Variants in ZNF829 observed in about 807,000 individuals in gnomAD.
ZNF829 encodes zinc finger protein 829.
A neutral mutation model predicts 35.2 loss-of-function variants in ZNF829; 25 were observed. The observed-to-expected ratio is 0.71, with a 90% CI of 0.52 to 0.99. The LOEUF is 0.99. Ranked by LOEUF, ZNF829 falls within the 50% of genes least tolerant of loss-of-function variation. The probability of loss-of-function intolerance (pLI) is 0.00; values close to 1 mark genes in which losing one functional copy is unlikely to be tolerated. For synonymous variants in ZNF829, 136 were observed against 163.2 expected (o/e 0.83, Z 1.27); for missense variants, 417 against 515.3 (o/e 0.81, Z 1.85).
chr19:36,915,036 A>C lies in ZNF829; in HGVS notation c.39-14T>G. 6.2e-7 allele frequency: 1 copy of C among 1,614,154 alleles called. No homozygotes were observed. Among genetic ancestry groups the C allele is most frequent in the Non-Finnish European group, 8.5e-7 (1 of 1,180,026 alleles). On this transcript the variant is annotated splice_polypyrimidine_tract_variant and intron_variant, in intron 2 of 5. Coordinates refer to ENST00000391711, the MANE Select transcript of ZNF829 (RefSeq NM_001037232.4). ...TCTGGGTGACACCTGGAGAAAGGTA[A>C]AATTGGGAGAGGGAAGAGTAACTGT...
At chr19:36,908,515 G>T (rs1258358657) in intron 3 of ZNF829, 56 bp from the exon 4 acceptor site, 2 of 1,550,116 alleles carry the variant, frequency 1.3e-6, no homozygotes, top group Admixed American at 4.0e-5. Context: ...GATGGCGGTA[G>T]AGGTGGCAAG....
At chr19:36,902,888 T>G (rs1308216172) in intron 5 of ZNF829, among the ~76,000 whole-genome samples, 1 of 151,720 alleles carries the variant, frequency 6.6e-6, no homozygotes, top group African/African-American at 2.4e-5. Context: ...ATACAAAAAT[T>G]AGCTGGACAT....
At position 36,908,477 on chromosome 19, in the gene ZNF829, C is replaced by T; in HGVS notation, c.97-18G>A. 6.3e-7 allele frequency: 1 copy of T among 1,578,336 alleles called. No individual in the cohort carries two copies. The highest frequency in any genetic ancestry group is 8.6e-7 in the Non-Finnish European group (1 of 1,165,398). ...ACCGGCCCCTGAAACAACAAACATG[C>T]TTTCACAATGAAAGGAGAAAAGAAA... is the stretch of plus-strand genomic sequence containing the variant. On this transcript the variant is annotated intron_variant, in intron 3 of 5. Coordinates refer to ENST00000391711, the MANE Select transcript of ZNF829 (RefSeq NM_001037232.4).
At chr19:36,899,617 T>C (rs969795656) in intron 5 of ZNF829, among the ~76,000 whole-genome samples, 2 of 151,726 alleles carry the variant, frequency 1.3e-5, no homozygotes, top group Non-Finnish European at 2.9e-5. Context: ...GCTCCATAAA[T>C]ATGTATAATT....
At chr19:36,907,087 C>CAAAAAAA (rs1158970593) in intron 5 of ZNF829, 5 of 23,706 alleles carry the variant, frequency 2.1e-4, no homozygotes, top group Admixed American at 1.1e-3. Context: ...GACTCCATCT[C>CAAAAAAA]AAAAAAAAAA....
chr19:36,915,904 G>A, intron 1 of ZNF829, 107 bp downstream of exon 1: 2 of 1,536,032 alleles, frequency 1.3e-6, no homozygotes, highest in Non-Finnish European at 1.7e-6. Flanking sequence ...GGCCCAAGGC[G>A]CCAGCTCCCC....
At position 36,901,929 on chromosome 19, in the gene ZNF829, G is replaced by A. The variant is rs114802312; in HGVS notation, c.319+6000C>T. The stretch of plus-strand genomic sequence containing the variant: ...AAGGAGATGGGAACTCCAGATGTGC[G>A]CACTGATACCAGGCTCAACAAAGCT... On this transcript the variant is annotated intron_variant, in intron 5 of 5. Coordinates refer to ENST00000391711, the MANE Select transcript of ZNF829 (RefSeq NM_001037232.4). 7,124 of 761,588 alleles carry A rather than the reference G, an allele frequency of 9.4e-3. 60 individuals are homozygous for A. Among genetic ancestry groups the A allele is most frequent in the African/African-American group, 0.024 (1,446 of 59,110 alleles). 47.2% of individuals were successfully genotyped at this position (761,588 alleles called of 1,614,324 possible).
rs2073026453 is a variant in ZNF829, at chr19:36,889,142, A to G, written c.*2350T>C. On this transcript the variant is annotated 3_prime_UTR_variant, in exon 6 of 6. Coordinates refer to ENST00000391711, the MANE Select transcript of ZNF829 (RefSeq NM_001037232.4). ...AGCCATCCTTACACCCCAGGAATAA[A>G]ATCCACTTGACTGTGCTGTTACTAT... The G allele has an allele frequency of 2.0e-5, 3 of 152,140 alleles. No homozygotes were observed. The highest frequency in any genetic ancestry group is 7.2e-5 in the African/African-American group (3 of 41,442). The allele number at this position is 152,140 out of a possible 1,614,324, so 9.4% of individuals were successfully genotyped here.
At position 36,891,528 on chromosome 19, in the gene ZNF829, A is replaced by G; in HGVS notation, c.1263T>C (p.Ser421=). 1 of 1,595,044 alleles carries G rather than the reference A, an allele frequency of 6.3e-7. No homozygotes were observed. Among genetic ancestry groups the G allele is most frequent in the Non-Finnish European group, 8.5e-7 (1 of 1,172,100 alleles). Residue 421 remains serine (S), a synonymous_variant, in exon 6 of 6, where the codon TCT becomes TCC. Coordinates refer to ENST00000391711, the MANE Select transcript of ZNF829 (RefSeq NM_001037232.4). ...GAATTCCCTCATGGCGAATGAGGTC[A>G]GAGCGACTACCAAAAGCCTTTCCAC... The part of the protein sequence containing the change: ...KECGKAFGSR[S]DLIRHEGIHT...
intron 3 of ZNF829, among the ~76,000 whole-genome samples, chr19:36,909,679 C>T (rs113763801): frequency 2.0e-5 from 3 of 151,876 alleles, no homozygotes; most frequent in African/African-American, 7.2e-5. Context: ...TGGTGGTGCA[C>T]GCCTGTAATC....
rs2073026417 is a variant in ZNF829 at position 36,889,138 on chromosome 19, A to G, written c.*2354T>C. The G allele has an allele frequency of 6.6e-6, 1 of 152,172 alleles. No individual in the cohort carries two copies. Among genetic ancestry groups the G allele is most frequent in the African/African-American group, 2.4e-5 (1 of 41,446 alleles). The allele number at this position is 152,172 out of a possible 1,614,324, so 9.4% of individuals were successfully genotyped here. A position where few individuals can be genotyped will look rare whatever the true frequency, so the allele number is the denominator to read the frequency against. On this transcript the variant is annotated 3_prime_UTR_variant, in exon 6 of 6. Transcript: ENST00000391711. Reference sequence around the variant, plus strand: ...GTTGAGCCATCCTTACACCCCAGGAATAAAATCCACTTGACTGTGCTGTTA... The same window carrying G: ...GTTGAGCCATCCTTACACCCCAGGAGTAAAATCCACTTGACTGTGCTGTTA...
In ZNF829 at chr19:36,889,465, A is replaced by G. The variant is rs1347614189; in HGVS notation, c.*2027T>C. The G allele has an allele frequency of 2.0e-5, 3 of 152,076 alleles. No individual in the cohort carries two copies. The East Asian group carries it at 5.8e-4, about 29-fold the overall frequency. The allele number at this position is 152,076 out of a possible 1,614,324, so 9.4% of individuals were successfully genotyped here. A position where few individuals can be genotyped will look rare whatever the true frequency, so the allele number is the denominator to read the frequency against. On this transcript the variant is annotated 3_prime_UTR_variant, in exon 6 of 6. Transcript: ENST00000391711. ...AAGATTTTTTTCTATTACTGATTCA[A>G]TTTCAATACTCAGTAGTCTGTTGAG...
intron 5 of ZNF829, among the ~76,000 whole-genome samples, chr19:36,899,779 A>G (rs906178907): frequency 4.6e-5 from 7 of 151,398 alleles, no homozygotes; most frequent in African/African-American, 1.7e-4. Flanking sequence ...AGAAAGAAGA[A>G]AAGATTATAG....
intron 5 of ZNF829, among the ~76,000 whole-genome samples, chr19:36,893,212 A>G (rs1763507793): frequency 6.6e-6 from 1 of 152,204 alleles, no homozygotes; most frequent in African/African-American, 2.4e-5. Flanking sequence ...TATGCTGAAC[A>G]CAACTGGTGG....
At chr19:36,912,323 T>G (rs1482774629) in intron 3 of ZNF829, among the ~76,000 whole-genome samples, 1 of 152,190 alleles carries the variant, frequency 6.6e-6, no homozygotes, top group African/African-American at 2.4e-5. Flanking sequence ...TTATAGTCTA[T>G]ACCAGTTCTT....
intron 5 of ZNF829, among the ~76,000 whole-genome samples, chr19:36,900,201 T>C (rs2073153149): frequency 7.2e-6 from 1 of 139,578 alleles, no homozygotes; most frequent in Admixed American, 7.1e-5. Context: ...CACACACAAA[T>C]TTGCTGGGCG....
At position 36,907,062 on chromosome 19, in the gene ZNF829, TG is replaced by T. The variant is rs1266328078; in HGVS notation, c.319+866del. ...GAGATCACACCACTGCACTCCAGCCTGGGCAACAGAGCAAGACTCCATCTCA... is the reference window on the plus strand; with the variant it reads ...GAGATCACACCACTGCACTCCAGCCTGGCAACAGAGCAAGACTCCATCTCA... On this transcript the variant is annotated intron_variant, in intron 5 of 5. Coordinates refer to ENST00000391711, the MANE Select transcript of ZNF829 (RefSeq NM_001037232.4). 4.3e-5 allele frequency: 5 copies of T among 115,120 alleles called. No individual in the cohort carries two copies. In the East Asian group the frequency reaches 1.0e-3, roughly 24 times the overall value. The allele number at this position is 115,120 out of a possible 1,614,324, so 7.1% of individuals were successfully genotyped here.
intron 5 of ZNF829, among the ~76,000 whole-genome samples, chr19:36,902,806 C>T (rs961521033): frequency 4.6e-5 from 7 of 152,076 alleles, no homozygotes; most frequent in Non-Finnish European, 1.0e-4. Flanking sequence ...GAGGCCAAGG[C>T]GGGTGGATTA....
intron 3 of ZNF829, among the ~76,000 whole-genome samples, chr19:36,909,523 T>C (rs536863578): frequency 1.3e-5 from 2 of 152,156 alleles, no homozygotes; most frequent in African/African-American, 4.8e-5. Flanking sequence ...AAAGAAAAAT[T>C]ATGAGCCGAG....
Sources: gnomAD v4.1 joint callset for allele counts (sites outside exome capture counted in the v4.1 genomes callset) on GRCh38, gnomAD v4.1.1 for gene constraint, MANE v1.5 for transcripts, NCBI Gene and HGNC (gene_info 2026-07-23, HGNC 2026-07-21) for gene names.